The following PALM2AKAP2 variants were observed in gnomAD, a reference collection of about 807,000 sequenced individuals.
PALM2AKAP2 encodes the protein PALM2-AKAP2 fusion protein.
A neutral mutation model predicts 71.5 loss-of-function variants in PALM2AKAP2; 37 were observed. The ratio of observed to expected loss-of-function variants is 0.52; its 90% CI spans 0.40 to 0.68. The LOEUF is 0.68. PALM2AKAP2 is among the 30% of genes least tolerant of loss of function. The pLI, the probability that PALM2AKAP2 is intolerant of heterozygous loss-of-function variation, is 0.00. For synonymous variants in PALM2AKAP2, 468 were observed against 478.8 expected (o/e 0.98, Z 0.29); for missense variants, 1,224 against 1,191.8 (o/e 1.03, Z -0.40).
At chr9:109,979,210 C>A (rs1832224571) in intron 6 of PALM2AKAP2, among the ~76,000 whole-genome samples, 1 of 152,168 alleles carries the variant, frequency 6.6e-6, no homozygotes, top group Admixed American at 6.5e-5. Context: ...CCAGGCTGGT[C>A]TCAAACTCCT....
At chr9:110,117,058 T>A (rs1588118126) in intron 1 of PALM2AKAP2, among the ~76,000 whole-genome samples, 1 of 152,222 alleles carries the variant, frequency 6.6e-6, no homozygotes, top group Admixed American at 6.5e-5. Flanking sequence ...GCTTTTCCAA[T>A]TACAATACTA....
At chr9:110,114,067 A>C (rs1388172936) in intron 1 of PALM2AKAP2, among the ~76,000 whole-genome samples, 1 of 152,156 alleles carries the variant, frequency 6.6e-6, no homozygotes, top group East Asian at 1.9e-4. Flanking sequence ...AGCTATAACA[A>C]ATTCTCACAA....
At chr9:109,841,801 T>G (rs907790966) in intron 1 of PALM2AKAP2, among the ~76,000 whole-genome samples, 12 of 16,054 alleles carry the variant, frequency 7.5e-4, no homozygotes, top group Admixed American at 9.1e-4. Context: ...GAAGGGAGGG[T>G]GGAGGGAAAG....
At chr9:110,136,543 C>T (rs747730687) in exon 2 of PALM2AKAP2, 3 of 1,613,376 alleles carry the variant, frequency 1.9e-6, no homozygotes, top group Non-Finnish European at 1.7e-6. Context: ...AGCCAGAACC[C>T]ACTGAAAGAA....
At chr9:110,118,681 T>G (rs1049190992) in intron 1 of PALM2AKAP2, among the ~76,000 whole-genome samples, 7 of 152,206 alleles carry the variant, frequency 4.6e-5, no homozygotes, top group African/African-American at 1.7e-4. Context: ...TTTCAGAAGT[T>G]AATATATGCA....
chr9:109,728,283 C>T (rs1328436585), intron 1 of PALM2AKAP2, among the ~76,000 whole-genome samples: 1 of 152,234 alleles, frequency 6.6e-6, no homozygotes, highest in Non-Finnish European at 1.5e-5. Context: ...ATAGCATTCC[C>T]ATTTTACAGA....
chr9:110,109,143 C>A (rs1174247910), intron 1 of PALM2AKAP2, among the ~76,000 whole-genome samples: 2 of 151,704 alleles, frequency 1.3e-5, no homozygotes, highest in Non-Finnish European at 2.9e-5. Context: ...CATGGAGAAA[C>A]CCTGTCTCTA....
chr9:109,837,048 G>A (rs1828500616), intron 1 of PALM2AKAP2, among the ~76,000 whole-genome samples: 1 of 152,082 alleles, frequency 6.6e-6, no homozygotes, highest in African/African-American at 2.4e-5. Flanking sequence ...GATACTCCTC[G>A]AGAAGAGCAA....
rs112788248 is a variant in PALM2AKAP2, at chr9:110,137,002, C to T, written c.1032C>T (p.Asp344=). The T allele has an allele frequency of 6.3e-4, 1,015 of 1,614,068 alleles. 11 individuals are homozygous for T. The African/African-American group carries it at 0.011, about 18-fold the overall frequency. Residue 344 remains aspartate (D), a synonymous_variant, in exon 2 of 4, where the codon GAC becomes GAT. Coordinates refer to ENST00000374525, the Ensembl canonical transcript of PALM2AKAP2. ...AAAAAACCATCGAGGAGCAGCTGGACGAGGAACATCTGGAGTCGCACAAAA... is the reference window on the plus strand; with the variant it reads ...AAAAAACCATCGAGGAGCAGCTGGATGAGGAACATCTGGAGTCGCACAAAA...
chr9:109,666,628 T>C (rs1384440022), intron 1 of PALM2AKAP2, among the ~76,000 whole-genome samples: 1 of 152,216 alleles, frequency 6.6e-6, no homozygotes, highest in East Asian at 1.9e-4. Context: ...TTGCTCTTGG[T>C]TCTAAATGTC....
chr9:109,800,769 A>G (rs1203248776), intron 1 of PALM2AKAP2, among the ~76,000 whole-genome samples: 1 of 152,230 alleles, frequency 6.6e-6, no homozygotes, highest in African/African-American at 2.4e-5. Flanking sequence ...ATGTATTTGT[A>G]ACCTTTTATT....
intron 1 of PALM2AKAP2, among the ~76,000 whole-genome samples, chr9:109,733,056 C>T (rs1276015851): frequency 1.3e-5 from 2 of 151,970 alleles, no homozygotes; most frequent in East Asian, 3.9e-4. Context: ...AGATTATATT[C>T]TATAGGGGCT....
chr9:109,840,813 A>G (rs2131582237), intron 1 of PALM2AKAP2, among the ~76,000 whole-genome samples: 1 of 152,344 alleles, frequency 6.6e-6, no homozygotes, highest in Admixed American at 6.5e-5. Context: ...CAAAACCACA[A>G]TGAGATACCA....
intron 2 of PALM2AKAP2, among the ~76,000 whole-genome samples, chr9:109,868,774 T>C (rs1470381919): frequency 6.6e-6 from 1 of 152,248 alleles, no homozygotes; most frequent in Non-Finnish European, 1.5e-5. Flanking sequence ...TGCCTGTTTC[T>C]CTCTGTTCAT....
At chr9:110,091,654 G>A (rs1013766732) in intron 1 of PALM2AKAP2, among the ~76,000 whole-genome samples, 2 of 151,830 alleles carry the variant, frequency 1.3e-5, no homozygotes, top group Non-Finnish European at 2.9e-5. Flanking sequence ...AGTAGAGATG[G>A]GGTTTCACCG....
At chr9:109,794,242 ATGT>A (rs920580679) in intron 1 of PALM2AKAP2, among the ~76,000 whole-genome samples, 21 of 152,010 alleles carry the variant, frequency 1.4e-4, no homozygotes, top group Admixed American at 3.9e-4. Context: ...AGCCAACTGC[ATGT>A]TGTTGTTGTT....
intron 3 of PALM2AKAP2, among the ~76,000 whole-genome samples, chr9:109,916,329 G>T (rs1830691052): frequency 6.6e-6 from 1 of 152,218 alleles, no homozygotes; most frequent in South Asian, 2.1e-4. Context: ...CTCTTTGTTT[G>T]GGCCTTGCAG....
chr9:109,673,027 A>G (rs1827598287), intron 1 of PALM2AKAP2, among the ~76,000 whole-genome samples: 1 of 151,790 alleles, frequency 6.6e-6, no homozygotes, highest in African/African-American at 2.4e-5. Context: ...CTATCTATTA[A>G]GTTTTTCAAA....
At chr9:110,122,488 G>T (rs1835510809) in intron 1 of PALM2AKAP2, among the ~76,000 whole-genome samples, 1 of 152,216 alleles carries the variant, frequency 6.6e-6, no homozygotes, top group East Asian at 1.9e-4. Flanking sequence ...GACCCTAGGG[G>T]GTAGGTGGCT....
Sources: allele counts gnomAD v4.1 joint callset (sites outside exome capture counted in the v4.1 genomes callset), GRCh38; gene constraint gnomAD v4.1.1; transcripts MANE v1.5; gene names NCBI Gene and HGNC (gene_info 2026-07-23, HGNC 2026-07-21).